Variants in DLGAP2 observed in about 807,000 individuals in gnomAD.
DLGAP2 encodes the protein disks large-associated protein 2.
In DLGAP2, 26 loss-of-function variants were observed where a neutral mutation model predicts 100.3. The ratio of observed to expected loss-of-function variants is 0.26; its 90% CI spans 0.19 to 0.36. DLGAP2 has a LOEUF of 0.36. Ranked by LOEUF, DLGAP2 falls within the 10% of genes least tolerant of loss-of-function variation. DLGAP2 has a pLI of 1.00. For synonymous variants in DLGAP2, 886 were observed against 630.1 expected (o/e 1.41, Z -6.08); for missense variants, 1,858 against 1,453.2 (o/e 1.28, Z -4.53).
intron 2 of DLGAP2, among the ~76,000 whole-genome samples, chr8:1,031,290 C>T (rs561822938): frequency 1.3e-5 from 2 of 152,302 alleles, no homozygotes; most frequent in East Asian, 1.9e-4. Context: ...ATCAGAGGCT[C>T]TGCAGGTCAT....
intron 2 of DLGAP2, among the ~76,000 whole-genome samples, chr8:1,193,187 C>T (rs930323009): frequency 2.0e-5 from 3 of 152,084 alleles, no homozygotes; most frequent in East Asian, 1.9e-4. Context: ...GGTATATAAC[C>T]GGTAATGGGA....
chr8:769,281 A>G (rs751694181), intron 1 of DLGAP2, among the ~76,000 whole-genome samples: 13 of 152,086 alleles, frequency 8.5e-5, no homozygotes, highest in Non-Finnish European at 1.9e-4. Flanking sequence ...AGCAGGGAAG[A>G]AGTATTGTTC....
chr8:1,549,059 G>A lies in DLGAP2; in HGVS notation c.606G>A (p.Leu202=). The A allele has an allele frequency of 6.3e-7, 1 of 1,590,360 alleles. No homozygotes were observed. The change falls in exon 5 of 15, where the codon CTG becomes CTA. Residue 202 remains leucine (L), a synonymous_variant. Transcript: ENST00000637795. ...ACCAGTTCGAGAAGCAGCTGCCGCT[G>A]CACCGGGACGGCTTCCACACGCTGC... ...LLDQFEKQLP[L]HRDGFHTLQY...
At chr8:1,153,447 C>T (rs1330887879) in intron 2 of DLGAP2, among the ~76,000 whole-genome samples, 1 of 151,948 alleles carries the variant, frequency 6.6e-6, no homozygotes, top group Non-Finnish European at 1.5e-5. Flanking sequence ...CAGTGTGTAC[C>T]GTAGAAAGCT....
chr8:1,344,131 G>GGTCCATGTATTCGGGGCCCTGTCGTGA, intron 3 of DLGAP2, among the ~76,000 whole-genome samples: 1 of 112,756 alleles, frequency 8.9e-6, no homozygotes, highest in Non-Finnish European at 1.9e-5. Flanking sequence ...CCCTGTCGTG[G>GGTCCATGTATTCGGGGCCCTGTCGTGA]GTCCGTGTAC....
intron 6 of DLGAP2, among the ~76,000 whole-genome samples, chr8:1,585,370 AG>A (rs1796085033): frequency 5.4e-5 from 3 of 55,176 alleles, no homozygotes; most frequent in Admixed American, 1.6e-4. Flanking sequence ...TGGCCGAGCC[AG>A]GAGAATTGCG....
chr8:973,873 G>A (rs1261064016), intron 2 of DLGAP2, among the ~76,000 whole-genome samples: 4 of 146,364 alleles, frequency 2.7e-5, no homozygotes, highest in Non-Finnish European at 4.5e-5. Flanking sequence ...CCACGGGCCA[G>A]GCCTCTTCCC....
chr8:1,306,920 G>C (rs1396294588), intron 3 of DLGAP2, among the ~76,000 whole-genome samples: 2 of 151,666 alleles, frequency 1.3e-5, no homozygotes, highest in East Asian at 1.9e-4. Context: ...CTAAACATAA[G>C]AGCTAAACCT....
In DLGAP2 at chr8:1,590,291, G is replaced by C. The variant is rs374484180; in HGVS notation, c.1442+24397G>C. Among the ~76,000 whole-genome samples, 4 of 152,300 alleles carry C rather than the reference G, an allele frequency of 2.6e-5. No homozygotes were observed. In the East Asian group the frequency reaches 5.8e-4, roughly 22 times the overall value. On this transcript the variant is annotated intron_variant, in intron 6 of 14. Coordinates refer to ENST00000637795, the MANE Select transcript of DLGAP2 (RefSeq NM_001346810.2). ...TGGACCTCTTCTACAGGGAGACACA[G>C]TTCAGGCCGTACCAGAAGCAATCGC...
intron 6 of DLGAP2, among the ~76,000 whole-genome samples, chr8:1,573,286 G>T (rs1199196421): frequency 3.3e-5 from 4 of 119,422 alleles, no homozygotes; most frequent in African/African-American, 1.3e-4. Context: ...CTGTGGGGGT[G>T]TCTGATGAGA....
chr8:1,676,477 C>G, intron 10 of DLGAP2, 56 bp from the exon 11 acceptor site: 1 of 1,538,908 alleles, frequency 6.5e-7, no homozygotes, highest in Non-Finnish European at 8.9e-7. Flanking sequence ...ACAAAATAGT[C>G]CCTTGCCCAG....
At chr8:1,604,111 C>T (rs755019323) in intron 6 of DLGAP2, among the ~76,000 whole-genome samples, 6 of 152,150 alleles carry the variant, frequency 3.9e-5, no homozygotes, top group Non-Finnish European at 7.3e-5. Context: ...ATGAATGACC[C>T]TTCTTCATTT....
chr8:1,577,147 A>T (rs1297764591), intron 6 of DLGAP2, among the ~76,000 whole-genome samples: 2 of 152,260 alleles, frequency 1.3e-5, no homozygotes, highest in East Asian at 3.8e-4. Context: ...TAATGTTCTC[A>T]TCACAAAAAA....
At chr8:779,845 A>G (rs1228009549) in intron 1 of DLGAP2, among the ~76,000 whole-genome samples, 1 of 151,802 alleles carries the variant, frequency 6.6e-6, no homozygotes, top group Non-Finnish European at 1.5e-5. Context: ...TTTTATTTTT[A>G]AAATTTAATT....
At chr8:1,127,079 G>C (rs1013451980) in intron 2 of DLGAP2, among the ~76,000 whole-genome samples, 1 of 144,780 alleles carries the variant, frequency 6.9e-6, no homozygotes, top group Non-Finnish European at 1.5e-5. Flanking sequence ...GCTCATGAGG[G>C]ACCCCCACCC....
chr8:1,117,509 C>G (rs958756355), intron 2 of DLGAP2, among the ~76,000 whole-genome samples: 21 of 151,934 alleles, frequency 1.4e-4, no homozygotes, highest in Non-Finnish European at 2.9e-5. Context: ...CTGTGTAGGA[C>G]AAGCCTGAAC....
intron 1 of DLGAP2, among the ~76,000 whole-genome samples, chr8:844,749 G>C (rs979087550): frequency 2.0e-5 from 3 of 152,190 alleles, no homozygotes; most frequent in Non-Finnish European, 4.4e-5. Context: ...CATATACTGT[G>C]CAGTTGACCT....
intron 5 of DLGAP2, among the ~76,000 whole-genome samples, chr8:1,562,769 A>G (rs1157242561): frequency 6.8e-5 from 1 of 14,794 alleles, no homozygotes; most frequent in Admixed American, 1.4e-3. Context: ...GCGCCTCGTT[A>G]CTGGGGGACT....
chr8:1,654,397 C>G (rs906277157), intron 8 of DLGAP2, among the ~76,000 whole-genome samples: 1 of 151,964 alleles, frequency 6.6e-6, no homozygotes, highest in Non-Finnish European at 1.5e-5. Flanking sequence ...CATGGTGGCT[C>G]ACGCCTGTAA....
Sources: allele counts gnomAD v4.1 joint callset (sites outside exome capture counted in the v4.1 genomes callset), GRCh38; gene constraint gnomAD v4.1.1; transcripts MANE v1.5; gene names NCBI Gene and HGNC (gene_info 2026-07-23, HGNC 2026-07-21).